NRXN3: variants seen among roughly 807,000 people sequenced by gnomAD.
NRXN3 encodes neurexin III.
A neutral mutation model predicts 137.6 loss-of-function variants in NRXN3; 32 were observed. The observed-to-expected ratio is 0.23, with a 90% CI of 0.18 to 0.31. The LOEUF is 0.31. Ranked by LOEUF, NRXN3 falls within the 10% of genes least tolerant of loss-of-function variation. The probability of loss-of-function intolerance (pLI) is 1.00; values close to 1 mark genes in which losing one functional copy is unlikely to be tolerated. For missense variants in NRXN3, 1,574 were observed against 2,062.5 expected (o/e 0.76, Z 4.59); for synonymous variants, 798 against 784.5 (o/e 1.02, Z -0.29).
At chr14:78,992,661 A>G (rs79404640) in intron 15 of NRXN3, among the ~76,000 whole-genome samples, 4,103 of 152,292 alleles carry the variant, frequency 0.027, 155 homozygotes, top group African/African-American at 0.083. Flanking sequence ...GCACCCACAC[A>G]TGTGCAAAAG....
intron 19 of NRXN3, among the ~76,000 whole-genome samples, chr14:79,800,337 C>T (rs1471304307): frequency 6.6e-6 from 1 of 152,098 alleles, no homozygotes; most frequent in Non-Finnish European, 1.5e-5. Flanking sequence ...GTGTTTATAC[C>T]CTTGGTTACA....
chr14:79,360,483 T>C (rs1205314963), intron 15 of NRXN3, among the ~76,000 whole-genome samples: 3 of 152,212 alleles, frequency 2.0e-5, no homozygotes, highest in Admixed American at 6.5e-5. Flanking sequence ...TATACACATT[T>C]ATTAAGCATC....
chr14:79,627,234 C>G (rs2098292400), intron 16 of NRXN3, among the ~76,000 whole-genome samples: 3 of 152,166 alleles, frequency 2.0e-5, no homozygotes. Flanking sequence ...CAAATATCCT[C>G]TAGATCACCA....
At chr14:78,517,012 A>G (rs1273995394) in intron 4 of NRXN3, among the ~76,000 whole-genome samples, 1 of 152,106 alleles carries the variant, frequency 6.6e-6, no homozygotes. Flanking sequence ...TTTTGTTTAA[A>G]TTTTTGTTAA....
chr14:78,394,081 T>C (rs182907958), intron 4 of NRXN3, among the ~76,000 whole-genome samples: 171 of 152,120 alleles, frequency 1.1e-3, no homozygotes, highest in African/African-American at 4.1e-3. Flanking sequence ...CAGAGCCGTA[T>C]GTATTTTTTT....
chr14:79,127,497 G>A (rs10137002), intron 15 of NRXN3, among the ~76,000 whole-genome samples: 2,415 of 152,096 alleles, frequency 0.016, 68 homozygotes, highest in African/African-American at 0.055. Flanking sequence ...GATATGCGGC[G>A]TTATTTCTGA....
chr14:79,159,242 T>A (rs11845101), intron 15 of NRXN3, among the ~76,000 whole-genome samples: 1 of 151,796 alleles, frequency 6.6e-6, no homozygotes, highest in Admixed American at 6.6e-5. Flanking sequence ...GCTTTGATTG[T>A]GCTTTGTTTT....
intron 19 of NRXN3, among the ~76,000 whole-genome samples, chr14:79,738,626 T>C (rs1201703522): frequency 6.6e-6 from 1 of 152,222 alleles, no homozygotes; most frequent in East Asian, 1.9e-4. Context: ...TGGTGCGATC[T>C]TGGCTCACTG....
intron 8 of NRXN3, among the ~76,000 whole-genome samples, chr14:78,750,827 G>A (rs1293838809): frequency 2.0e-5 from 3 of 152,166 alleles, no homozygotes; most frequent in Admixed American, 6.5e-5. Context: ...GAGGGCCAGA[G>A]GTCTCAGAGC....
chr14:78,333,632 C>T (rs1164727281), intron 4 of NRXN3, among the ~76,000 whole-genome samples: 2 of 152,032 alleles, frequency 1.3e-5, no homozygotes, highest in African/African-American at 4.8e-5. Flanking sequence ...TTAGAGAGAC[C>T]TCACTGAGGA....
chr14:78,422,835 A>G (rs2093503172), intron 4 of NRXN3, among the ~76,000 whole-genome samples: 2 of 152,216 alleles, frequency 1.3e-5, no homozygotes, highest in Admixed American at 1.3e-4. Context: ...ACGCCAGTGC[A>G]TTTGAGACCA....
chr14:78,345,645 C>A (rs932875927), intron 4 of NRXN3, among the ~76,000 whole-genome samples: 1 of 151,998 alleles, frequency 6.6e-6, no homozygotes, highest in African/African-American at 2.4e-5. Flanking sequence ...TTCTCAGTCT[C>A]GATGGATATA....
intron 15 of NRXN3, among the ~76,000 whole-genome samples, chr14:79,366,099 T>C (rs1038924100): frequency 2.6e-5 from 4 of 152,182 alleles, no homozygotes; most frequent in Non-Finnish European, 5.9e-5. Context: ...AAGGGTTCAG[T>C]CCGGGATACT....
intron 5 of NRXN3, among the ~76,000 whole-genome samples, chr14:78,650,082 T>TTTTTC (rs919472734): frequency 1.6e-4 from 24 of 152,278 alleles, no homozygotes; most frequent in South Asian, 4.1e-4. Flanking sequence ...GGGTTTGGAC[T>TTTTTC]TTTTCTTTTC....
intron 16 of NRXN3, among the ~76,000 whole-genome samples, chr14:79,479,416 AAGGT>A (rs2096587426): frequency 1.3e-5 from 2 of 152,110 alleles, no homozygotes; most frequent in Non-Finnish European, 2.9e-5. Context: ...CCATTTGTTA[AAGGT>A]GTTAAGGAAA....
intron 1 of NRXN3, among the ~76,000 whole-genome samples, chr14:78,232,418 C>T (rs186041083): frequency 3.6e-4 from 54 of 151,972 alleles, no homozygotes; most frequent in Admixed American, 3.5e-3. Flanking sequence ...TTGTCTGCGC[C>T]TCTCTCCCCT....
At chr14:79,425,998 G>GGAGA (rs377144359) in intron 15 of NRXN3, among the ~76,000 whole-genome samples, 21 of 149,548 alleles carry the variant, frequency 1.4e-4, no homozygotes, top group African/African-American at 3.7e-4. Context: ...GGAGAGAAGG[G>GGAGA]GAGAGAGAGA....
At chr14:78,540,425 G>T (rs987626303) in intron 4 of NRXN3, among the ~76,000 whole-genome samples, 3 of 142,908 alleles carry the variant, frequency 2.1e-5, no homozygotes, top group African/African-American at 7.7e-5. Flanking sequence ...GACTAGGATT[G>T]CAACCCCTGC....
At chr14:79,174,518 T>C (rs58696577) in intron 15 of NRXN3, among the ~76,000 whole-genome samples, 7,634 of 148,504 alleles carry the variant, frequency 0.051, 670 homozygotes, top group African/African-American at 0.17. Flanking sequence ...TATATATATA[T>C]ACACACACAT....
Sources: gnomAD v4.1 joint callset for allele counts (sites outside exome capture counted in the v4.1 genomes callset) on GRCh38, gnomAD v4.1.1 for gene constraint, MANE v1.5 for transcripts, NCBI Gene and HGNC (gene_info 2026-07-23, HGNC 2026-07-21) for gene names.